IFIH1: variants seen among roughly 807,000 people sequenced by gnomAD.
IFIH1 encodes the protein interferon induced with helicase C domain 1.
A neutral mutation model predicts 107.4 loss-of-function variants in IFIH1; 125 were observed. The observed-to-expected ratio is 1.16, with a 90% confidence interval of 1.01 to 1.35. IFIH1 has a LOEUF of 1.35. IFIH1 is among the 40% of genes most tolerant of loss of function. The probability of loss-of-function intolerance (pLI) is 0.00; values close to 1 mark genes in which losing one functional copy is unlikely to be tolerated. For synonymous variants in IFIH1, 458 were observed against 413.2 expected (o/e 1.11, Z -1.31); for missense variants, 1,333 against 1,213.7 (o/e 1.10, Z -1.46).
chr2:162,269,352 G>A (rs1311708864), intron 13 of IFIH1, among the ~76,000 whole-genome samples: 1 of 152,272 alleles, frequency 6.6e-6, no homozygotes, highest in East Asian at 1.9e-4. Context: ...CTTCGACCAT[G>A]AGAATGAAAG....
chr2:162,278,946 A>G (rs1682759381), intron 8 of IFIH1, among the ~76,000 whole-genome samples: 1 of 152,086 alleles, frequency 6.6e-6, no homozygotes, highest in East Asian at 1.9e-4. Context: ...TTGTTTACAT[A>G]TGTGTATTCA....
chr2:162,313,819 A>G (rs1446337771), intron 1 of IFIH1, among the ~76,000 whole-genome samples: 2 of 152,292 alleles, frequency 1.3e-5, no homozygotes, highest in African/African-American at 4.8e-5. Context: ...TCTTATTCAT[A>G]CTTTTTTTTT....
intron 5 of IFIH1, among the ~76,000 whole-genome samples, chr2:162,286,748 C>T (rs1024732163): frequency 5.9e-5 from 9 of 151,852 alleles, no homozygotes; most frequent in African/African-American, 2.2e-4. Context: ...TTGGATTTGG[C>T]ACTTAAAAGC....
chr2:162,286,602 G>C (rs1400213126), intron 5 of IFIH1, among the ~76,000 whole-genome samples: 1 of 149,606 alleles, frequency 6.7e-6, no homozygotes, highest in Admixed American at 6.8e-5. Context: ...TACTCACAAA[G>C]AGACAGGTAA....
intron 12 of IFIH1, 80 bp from the exon 13 acceptor site, chr2:162,272,467 CTTG>C: frequency 1.6e-6 from 2 of 1,241,170 alleles, no homozygotes; most frequent in Non-Finnish European, 2.3e-6. Flanking sequence ...GAATGATATT[CTTG>C]CTCAGAATGA....
chr2:162,287,770 T>C (rs1682922089), intron 5 of IFIH1, among the ~76,000 whole-genome samples: 1 of 151,930 alleles, frequency 6.6e-6, no homozygotes, highest in African/African-American at 2.4e-5. Flanking sequence ...GGGTCATTCA[T>C]ATTCATTTGC....
In IFIH1 at chr2:162,276,675, G is replaced by C; in HGVS notation, c.2304+12C>G. ...AGAAAAGAAAAGAAGTCGTCCAAAA[G>C]GATATTTATACCTGTGTCATGGGTT... is the stretch of plus-strand genomic sequence containing the variant. On this transcript the variant is annotated intron_variant, in intron 11 of 15. Transcript: ENST00000649979. The C allele has an allele frequency of 6.3e-7, 1 of 1,588,274 alleles. No individual in the cohort carries two copies. Among genetic ancestry groups the C allele is most frequent in the Non-Finnish European group, 8.5e-7 (1 of 1,171,644 alleles).
rs533429487 is a variant in IFIH1, at chr2:162,307,066, A to G, written c.623-211T>C. The G allele has an allele frequency of 1.7e-4, 79 of 454,052 alleles. No individual in the cohort carries two copies. The East Asian group carries it at 2.8e-3, about 16-fold the overall frequency. The allele number at this position is 454,052 out of a possible 1,614,324, so 28.1% of individuals were successfully genotyped here. A position where few individuals can be genotyped will look rare whatever the true frequency, so the allele number is the denominator to read the frequency against. On this transcript the variant is annotated intron_variant, in intron 2 of 15. Transcript: ENST00000649979. ...ATAAATAGCTGTTATTGTTATTTTG[A>G]AAACAAAATGGAGAGCCCGCAATAG... is the stretch of plus-strand genomic sequence containing the variant.
rs750063177 is a variant in IFIH1 at position 162,267,515 on chromosome 2, A to G, written c.2862T>C (p.Tyr954=). The change falls in exon 15 of 16, where the codon TAT becomes TAC. Residue 954 remains tyrosine (Y), a synonymous_variant. Coordinates refer to ENST00000649979, the MANE Select transcript of IFIH1 (RefSeq NM_022168.4). ...TGCAGATGATTTCACCATTTATTTG[A>G]TAGTCGGCACACTTCTTTTGCAGTG... is the stretch of plus-strand genomic sequence containing the variant. ...NKALQKKCAD[Y]QINGEIICKC... 3.7e-6 allele frequency: 6 copies of G among 1,614,000 alleles called. No individual in the cohort carries two copies. The highest frequency in any genetic ancestry group is 5.1e-6 in the Non-Finnish European group (6 of 1,179,850).
At chr2:162,273,768 A>G in intron 12 of IFIH1, 27 bp downstream of exon 12, 2 of 1,446,084 alleles carry the variant, frequency 1.4e-6, no homozygotes, top group Non-Finnish European at 1.9e-6. Flanking sequence ...AAAAATTAAC[A>G]TAGTAAGTAG....
At chr2:162,285,158 T>C (rs986956769) in intron 5 of IFIH1, among the ~76,000 whole-genome samples, 1 of 151,974 alleles carries the variant, frequency 6.6e-6, no homozygotes, top group South Asian at 2.1e-4. Context: ...CAAACCCAAC[T>C]GCTACCCACT....
At chr2:162,300,147 A>C (rs1458148165) in intron 3 of IFIH1, among the ~76,000 whole-genome samples, 1 of 152,062 alleles carries the variant, frequency 6.6e-6, no homozygotes. Flanking sequence ...TTAGAGTATA[A>C]ACTTTTTGAG....
intron 3 of IFIH1, among the ~76,000 whole-genome samples, chr2:162,296,073 A>G (rs997269357): frequency 1.6e-4 from 24 of 152,096 alleles, no homozygotes; most frequent in African/African-American, 5.3e-4. Flanking sequence ...AAATTTTCCA[A>G]GTATAATAAA....
Position 162,268,165 on chromosome 2 carries a change from C to T in IFIH1, c.2729G>A (p.Cys910Tyr). The change falls in exon 14 of 16, where the codon TGC becomes TAC. Residue 910 changes from cysteine to tyrosine, a missense_variant. By Grantham distance (194) the Cys-to-Tyr change is radical (BLOSUM62 -2). Coordinates refer to ENST00000649979, the MANE Select transcript of IFIH1 (RefSeq NM_022168.4). Reference sequence around the variant, plus strand: ...TTCCCCAGAACAGGCTAGCACACTGCAGTTTTTGCAAAGGAAAGTTATTAG... The same window carrying T: ...TTCCCCAGAACAGGCTAGCACACTGTAGTTTTTGCAAAGGAAAGTTATTAG... ...PSLITFLCKN[C>Y]SVLACSGEDI... is the part of the protein sequence containing the mutation. 1 of 1,613,724 alleles carries T rather than the reference C, an allele frequency of 6.2e-7. No homozygotes were observed. The highest frequency in any genetic ancestry group is 8.5e-7 in the Non-Finnish European group (1 of 1,179,710).
intron 1 of IFIH1, among the ~76,000 whole-genome samples, 179 bp from the exon 2 acceptor site, chr2:162,311,112 A>C (rs1424757951): frequency 6.7e-6 from 1 of 148,996 alleles, no homozygotes; most frequent in African/African-American, 2.6e-5. Context: ...CAGGGAAAAA[A>C]ATCTCCGGGA....
intron 5 of IFIH1, among the ~76,000 whole-genome samples, chr2:162,285,915 T>TAAA (rs1295600318): frequency 6.6e-6 from 1 of 151,906 alleles, no homozygotes. Context: ...GTTTAAGAGA[T>TAAA]TTTCAAATAA....
rs1157070326 is a variant in IFIH1, at chr2:162,267,367, T to C, written c.2911A>G (p.Met971Val). 7.4e-6 allele frequency: 12 copies of C among 1,613,822 alleles called. No individual in the cohort carries two copies. In the African/African-American group the frequency reaches 1.1e-4, roughly 14 times the overall value. ...ICKCGQAWGTMMVHKGLDLPC... is the reference protein window; with the variant it reads ...ICKCGQAWGTVMVHKGLDLPC... ...AAATCTAAGCCTTTGTGCACCATCA[T>C]TGTTCCCCAAGCCTGGAAAACAAAA... Residue 971 changes from methionine (M) to valine (V), a missense_variant, in exon 16 of 16, where the codon ATG becomes GTG. By Grantham distance (21) the Met-to-Val change is conservative (BLOSUM62 1). Transcript: ENST00000649979.
In IFIH1 at chr2:162,272,212, G is replaced by T. The variant is rs371767648; in HGVS notation, c.2616+14C>A. 1.2e-6 allele frequency: 2 copies of T among 1,604,166 alleles called. No homozygotes were observed. Among genetic ancestry groups the T allele is most frequent in the Admixed American group, 3.4e-5 (2 of 59,168 alleles). On this transcript the variant is annotated intron_variant, in intron 13 of 15. Transcript: ENST00000649979. ...TTTTAAATGAAAATCAAATTCAGAG[G>T]TGACCAACAATACCTTATGAGCATA...
chr2:162,312,898 A>C (rs1368420681), intron 1 of IFIH1, among the ~76,000 whole-genome samples: 2 of 152,218 alleles, frequency 1.3e-5, no homozygotes, highest in African/African-American at 2.4e-5. Flanking sequence ...GATTTCCTTA[A>C]AAAGAACCAG....
Sources: gnomAD v4.1 joint callset for allele counts (sites outside exome capture counted in the v4.1 genomes callset) on GRCh38, gnomAD v4.1.1 for gene constraint, MANE v1.5 for transcripts, NCBI Gene and HGNC (gene_info 2026-07-23, HGNC 2026-07-21) for gene names.